SPIDR: variants seen among roughly 807,000 people sequenced by gnomAD.
SPIDR encodes the protein scaffold protein involved in DNA repair.
SPIDR carries 93 observed loss-of-function variants against 104.6 expected under a neutral mutation model. The observed-to-expected ratio is 0.89, with a 90% CI of 0.75 to 1.06. SPIDR has a LOEUF of 1.06. Among genes scored for constraint, SPIDR ranks in the 50% least tolerant of loss-of-function variants. SPIDR has a pLI of 0.00. For missense variants in SPIDR, 1,154 were observed against 1,111.2 expected, an observed-to-expected ratio of 1.04 and a Z score of -0.55; for synonymous variants, 431 against 416.9, an observed-to-expected ratio of 1.03 and a Z score of -0.41.
intron 8 of SPIDR, among the ~76,000 whole-genome samples, chr8:47,564,784 T>C (rs1242956248): frequency 2.0e-5 from 3 of 152,086 alleles, no homozygotes; most frequent in African/African-American, 7.2e-5. Flanking sequence ...AAAAATAAAA[T>C]AGTTTGATAT....
At chr8:47,630,252 A>G (rs2066851201) in intron 10 of SPIDR, among the ~76,000 whole-genome samples, 2 of 152,222 alleles carry the variant, frequency 1.3e-5, no homozygotes, top group East Asian at 3.9e-4. Flanking sequence ...ACTGGGGAAA[A>G]TAGAAGAGCC....
intron 10 of SPIDR, among the ~76,000 whole-genome samples, chr8:47,628,569 T>C (rs1348384111): frequency 6.6e-6 from 1 of 152,084 alleles, no homozygotes; most frequent in African/African-American, 2.4e-5. Context: ...AAAAATAAAA[T>C]GCATAAAATT....
At chr8:47,546,046 C>T (rs1243875212) in intron 8 of SPIDR, among the ~76,000 whole-genome samples, 1 of 152,106 alleles carries the variant, frequency 6.6e-6, no homozygotes, top group Non-Finnish European at 1.5e-5. Context: ...ATTTTTACAT[C>T]TATATTCATA....
At chr8:47,313,853 A>G (rs1007182026) in intron 5 of SPIDR, among the ~76,000 whole-genome samples, 7 of 152,242 alleles carry the variant, frequency 4.6e-5, no homozygotes, top group Non-Finnish European at 1.0e-4. Context: ...TACTGGGAAA[A>G]TAAAAATCAA....
chr8:47,630,089 C>T (rs544117859), intron 10 of SPIDR, among the ~76,000 whole-genome samples: 35 of 152,278 alleles, frequency 2.3e-4, no homozygotes, highest in African/African-American at 7.0e-4. Context: ...AATGATGTGA[C>T]ATTTTGAAAT....
At chr8:47,396,250 GT>G in intron 5 of SPIDR, 125 bp from the exon 6 acceptor site, 1 of 795,218 alleles carries the variant, frequency 1.3e-6, no homozygotes, top group Admixed American at 2.9e-5. Context: ...TGCAGATACT[GT>G]ATTCAAAAAG....
rs148163352 is a variant in SPIDR, at chr8:47,543,757, C to G, written c.1098-52054C>G. Among the ~76,000 whole-genome samples, 38 of 152,280 alleles carry G rather than the reference C, an allele frequency of 2.5e-4. No homozygotes were observed. The East Asian group carries it at 5.4e-3, about 22-fold the overall frequency. On this transcript the variant is annotated intron_variant, in intron 8 of 19. Transcript: ENST00000297423. ...GTGAAACAGAGGACCTGAAAACCCT[C>G]ATAGCACATCCTCTGCTAGTCAGTT...
intron 16 of SPIDR, among the ~76,000 whole-genome samples, chr8:47,725,950 T>C (rs1413959180): frequency 6.6e-6 from 1 of 152,242 alleles, no homozygotes; most frequent in Non-Finnish European, 1.5e-5. Flanking sequence ...TTACCAAACA[T>C]CAGTAAACCA....
intron 8 of SPIDR, among the ~76,000 whole-genome samples, chr8:47,478,816 C>T (rs1348862792): frequency 2.6e-5 from 4 of 152,126 alleles, no homozygotes; most frequent in African/African-American, 9.7e-5. Context: ...GCTTTACCTA[C>T]AATTATAGCT....
chr8:47,272,164 A>G (rs2035470415), intron 1 of SPIDR, among the ~76,000 whole-genome samples: 1 of 151,996 alleles, frequency 6.6e-6, no homozygotes, highest in Non-Finnish European at 1.5e-5. Flanking sequence ...ATGAGCTTTC[A>G]CCATGTTGGC....
intron 8 of SPIDR, among the ~76,000 whole-genome samples, chr8:47,545,345 A>G (rs1421576265): frequency 6.6e-6 from 1 of 152,012 alleles, no homozygotes; most frequent in African/African-American, 2.4e-5. Context: ...CTAGGATTAC[A>G]GGTGTGAGCC....
intron 8 of SPIDR, among the ~76,000 whole-genome samples, chr8:47,454,880 C>G (rs1264291234): frequency 1.4e-5 from 2 of 147,900 alleles, no homozygotes; most frequent in Non-Finnish European, 3.0e-5. Flanking sequence ...ACTGCTGTCT[C>G]AAAAAAAAAT....
At chr8:47,341,162 A>G (rs1001717390) in intron 5 of SPIDR, among the ~76,000 whole-genome samples, 33 of 152,228 alleles carry the variant, frequency 2.2e-4, no homozygotes, top group Non-Finnish European at 8.8e-5. Context: ...AGTTAATGTC[A>G]GAATTGAATT....
At chr8:47,307,533 GTTTTTTTTTT>G (rs71225675) in intron 5 of SPIDR, among the ~76,000 whole-genome samples, 1 of 72,112 alleles carries the variant, frequency 1.4e-5, no homozygotes, top group African/African-American at 6.2e-5. Context: ...TTCTCATTTC[GTTTTTTTTTT>G]TTTTTTTTTT....
At chr8:47,584,232 CTA>C (rs1243115770) in intron 8 of SPIDR, among the ~76,000 whole-genome samples, 2 of 152,204 alleles carry the variant, frequency 1.3e-5, no homozygotes, top group African/African-American at 4.8e-5. Context: ...AATTCAGAAA[CTA>C]TGATCTTTTG....
intron 5 of SPIDR, among the ~76,000 whole-genome samples, chr8:47,369,024 C>T (rs1336865419): frequency 2.0e-5 from 3 of 151,882 alleles, no homozygotes; most frequent in East Asian, 1.9e-4. Flanking sequence ...CACGTGAGAA[C>T]GAACAAACTT....
rs996067306 is a variant in SPIDR, at chr8:47,660,434, A to G, written c.1545-13367A>G. 1.9e-5 allele frequency: 19 copies of G among 985,346 alleles called. No individual in the cohort carries two copies. In the African/African-American group the frequency reaches 3.1e-4, roughly 16 times the overall value. The allele number at this position is 985,346 out of a possible 1,614,324, so 61.0% of individuals were successfully genotyped here. ...GCACCAGTTTTAATCGGCTCTTCCA[A>G]CATGGTCCAGGCCTCACCCTCATGG... is the stretch of plus-strand genomic sequence containing the variant. On this transcript the variant is annotated intron_variant, in intron 10 of 19. Transcript: ENST00000297423.
intron 8 of SPIDR, among the ~76,000 whole-genome samples, chr8:47,497,844 A>G (rs1463284566): frequency 6.6e-6 from 1 of 152,178 alleles, no homozygotes; most frequent in African/African-American, 2.4e-5. Flanking sequence ...AGCTGTTGTC[A>G]GGCATCACTC....
chr8:47,281,669 G>A (rs1261553739), intron 2 of SPIDR, among the ~76,000 whole-genome samples: 3 of 152,172 alleles, frequency 2.0e-5, no homozygotes, highest in Non-Finnish European at 4.4e-5. Context: ...TTCTCTTGCT[G>A]TTTCTATCAC....
Sources: allele counts gnomAD v4.1 joint callset (sites outside exome capture counted in the v4.1 genomes callset), GRCh38; gene constraint gnomAD v4.1.1; transcripts MANE v1.5; gene names NCBI Gene and HGNC (gene_info 2026-07-23, HGNC 2026-07-21).